Variants in AK5 observed in about 807,000 individuals in gnomAD.
AK5 encodes the protein adenylate kinase isoenzyme 5.
Under a neutral mutation model 69.5 loss-of-function variants are expected in AK5, and 27 were observed. That is an observed-to-expected ratio of 0.39 (90% CI 0.29 to 0.54). The LOEUF (loss-of-function observed/expected upper bound fraction) is 0.54, where lower values mean the gene tolerates loss of function less well. Among genes scored for constraint, AK5 ranks in the 20% least tolerant of loss-of-function variants. AK5 has a pLI of 0.71. For missense variants in AK5, 531 were observed against 700.4 expected, an observed-to-expected ratio of 0.76 and a Z score of 2.73; for synonymous variants, 260 against 244.4, an observed-to-expected ratio of 1.06 and a Z score of -0.60.
intron 9 of AK5, among the ~76,000 whole-genome samples, chr1:77,485,837 C>T (rs1655554211): frequency 6.6e-6 from 1 of 152,150 alleles, no homozygotes; most frequent in Non-Finnish European, 1.5e-5. Flanking sequence ...CTGAAATAAG[C>T]AGGGCACGGT....
At chr1:77,470,851 ATATATATATATATATATATATATATTT>A (rs1654434860) in intron 8 of AK5, among the ~76,000 whole-genome samples, 1 of 2,528 alleles carries the variant, frequency 4.0e-4, no homozygotes, top group Non-Finnish European at 1.1e-3. Context: ...ATATATATAT[ATATATATATATATATATATATATATTT>A]TTTTTTTTTT....
At position 77,535,835 on chromosome 1, in the gene AK5, T is replaced by C. The variant is rs200057511; in HGVS notation, c.1429-12T>C. 2.7e-5 allele frequency: 43 copies of C among 1,609,138 alleles called. No individual in the cohort carries two copies. The East Asian group carries it at 9.2e-4, about 34-fold the overall frequency. On this transcript the variant is annotated splice_polypyrimidine_tract_variant and intron_variant, in intron 12 of 13. Transcript: ENST00000354567. ...GGTTTCTGACTGTGTTGTGCTCCAC[T>C]CCCATCTCCAGATTGGAGACCCACA...
intron 8 of AK5, among the ~76,000 whole-genome samples, chr1:77,476,877 T>C (rs1654967353): frequency 6.6e-6 from 1 of 151,076 alleles, no homozygotes. Context: ...TCTAAAATTG[T>C]TTAATGTGTG....
intron 5 of AK5, among the ~76,000 whole-genome samples, chr1:77,331,159 TG>T (rs1433329731): frequency 6.6e-6 from 1 of 152,134 alleles, no homozygotes; most frequent in East Asian, 1.9e-4. Flanking sequence ...TCATATCATA[TG>T]CAAATAATGG....
At chr1:77,310,686 CTTT>C (rs1659900682) in intron 5 of AK5, among the ~76,000 whole-genome samples, 2 of 151,988 alleles carry the variant, frequency 1.3e-5, no homozygotes, top group Non-Finnish European at 2.9e-5. Context: ...CGGCCCTATT[CTTT>C]TTTAAGTTAG....
intron 6 of AK5, among the ~76,000 whole-genome samples, chr1:77,404,750 A>G (rs983344673): frequency 1.3e-5 from 2 of 152,336 alleles, no homozygotes; most frequent in East Asian, 1.9e-4. Flanking sequence ...TGAGTTGACT[A>G]TATGAATGTT....
chr1:77,370,300 G>A (rs948449130), intron 6 of AK5, among the ~76,000 whole-genome samples: 3 of 152,044 alleles, frequency 2.0e-5, no homozygotes, highest in Non-Finnish European at 2.9e-5. Context: ...ACTTTTCCCC[G>A]TAAGTCACTG....
intron 8 of AK5, among the ~76,000 whole-genome samples, chr1:77,428,908 C>G (rs1430875531): frequency 1.3e-5 from 2 of 152,150 alleles, no homozygotes; most frequent in African/African-American, 4.8e-5. Flanking sequence ...CCAGCTTCAT[C>G]CATGTCCCTA....
At chr1:77,355,741 T>A (rs1263212550) in intron 6 of AK5, among the ~76,000 whole-genome samples, 1 of 152,174 alleles carries the variant, frequency 6.6e-6, no homozygotes, top group Non-Finnish European at 1.5e-5. Flanking sequence ...CTTTTTATAA[T>A]TCTGCTGTCA....
intron 13 of AK5, among the ~76,000 whole-genome samples, chr1:77,541,991 G>A (rs1192669315): frequency 2.0e-5 from 3 of 152,044 alleles, no homozygotes; most frequent in Admixed American, 2.0e-4. Context: ...ACGACACTTG[G>A]TGCTGGGGAC....
At chr1:77,411,944 A>T (rs1234030121) in intron 7 of AK5, among the ~76,000 whole-genome samples, 1 of 152,228 alleles carries the variant, frequency 6.6e-6, no homozygotes, top group East Asian at 1.9e-4. Context: ...TGAGATTTAT[A>T]AAAAGTTGGC....
chr1:77,285,610 A>T (rs1330205113), intron 1 of AK5, among the ~76,000 whole-genome samples: 3 of 152,228 alleles, frequency 2.0e-5, no homozygotes, highest in Non-Finnish European at 4.4e-5. Flanking sequence ...AATATTTTGC[A>T]CATCAGTCCA....
chr1:77,524,374 C>T lies in AK5; in HGVS notation c.1428+2431C>T, dbSNP rs1658159639. Among the ~76,000 whole-genome samples the T allele has an allele frequency of 2.0e-5, 3 of 152,190 alleles. No homozygotes were observed. The South Asian group carries it at 6.2e-4, about 31-fold the overall frequency. ...AGCCACCATACTACACATATACATACATACTGCCAGCCATAGTGGCCACAC... is the reference window on the plus strand; with the variant it reads ...AGCCACCATACTACACATATACATATATACTGCCAGCCATAGTGGCCACAC... On this transcript the variant is annotated intron_variant, in intron 12 of 13. Coordinates refer to ENST00000354567, the MANE Select transcript of AK5 (RefSeq NM_174858.3).
chr1:77,490,492 A>G (rs377134793), intron 10 of AK5, among the ~76,000 whole-genome samples: 19 of 152,350 alleles, frequency 1.2e-4, no homozygotes, highest in African/African-American at 3.8e-4. Flanking sequence ...TCCCGAAGAA[A>G]GCAGCTCAGT....
At chr1:77,421,644 C>T (rs1384857484) in intron 8 of AK5, among the ~76,000 whole-genome samples, 1 of 152,060 alleles carries the variant, frequency 6.6e-6, no homozygotes, top group African/African-American at 2.4e-5. Context: ...ATTTATATGC[C>T]CAGGAAGGGA....
rs1182177628 is a variant in AK5, at chr1:77,391,432, C to CATATATATAT, written c.892-19542_892-19541insTATATATATA. On this transcript the variant is annotated intron_variant, in intron 6 of 13. Coordinates refer to ENST00000354567, the MANE Select transcript of AK5 (RefSeq NM_174858.3). ...ACACACATATATATGTATATATATA[C>CATATATATAT]ATATATACATATATGTGTGTGTATA... Among the ~76,000 whole-genome samples the CATATATATAT allele has an allele frequency of 1.6e-4, 15 of 95,592 alleles. 1 individual carries two copies. Among genetic ancestry groups the CATATATATAT allele is most frequent in the African/African-American group, 6.6e-4 (14 of 21,064 alleles). 62.7% of individuals were successfully genotyped at this position (95,592 alleles called of 152,430 possible). A position where few individuals can be genotyped will look rare whatever the true frequency, so the allele number is the denominator to read the frequency against.
At chr1:77,405,810 T>C (rs1332658666) in intron 6 of AK5, among the ~76,000 whole-genome samples, 1 of 152,168 alleles carries the variant, frequency 6.6e-6, no homozygotes, top group East Asian at 1.9e-4. Context: ...AGTAGCTCCA[T>C]GTAGCCCTTC....
chr1:77,329,605 G>T (rs2815325), intron 5 of AK5, among the ~76,000 whole-genome samples: 23,243 of 152,096 alleles, frequency 0.15, 2,242 homozygotes, highest in Non-Finnish European at 0.21. Flanking sequence ...GCCTGAACAA[G>T]GGCAACTAGT....
chr1:77,307,829 A>G (rs962189973), intron 5 of AK5, among the ~76,000 whole-genome samples: 1 of 152,180 alleles, frequency 6.6e-6, no homozygotes, highest in African/African-American at 2.4e-5. Context: ...TGTTTTTTCT[A>G]TCTTGTCAGT....
Sources: allele counts gnomAD v4.1 joint callset (sites outside exome capture counted in the v4.1 genomes callset), GRCh38; gene constraint gnomAD v4.1.1; transcripts MANE v1.5; gene names NCBI Gene and HGNC (gene_info 2026-07-23, HGNC 2026-07-21).